The following L3MBTL4 variants were observed in gnomAD, a reference collection of about 807,000 sequenced individuals.
L3MBTL4 encodes L3MBTL histone methyl-lysine binding protein 4.
In L3MBTL4, 70 loss-of-function variants were observed where a neutral mutation model predicts 84.5. The ratio of observed to expected loss-of-function variants is 0.83; its 90% CI spans 0.68 to 1.01. The LOEUF is 1.01. L3MBTL4 is among the 50% of genes least tolerant of loss of function. The pLI is 0.00. For synonymous variants in L3MBTL4, 274 were observed against 259.8 expected, an observed-to-expected ratio of 1.05 and a Z score of -0.52; for missense variants, 715 against 754.8, an observed-to-expected ratio of 0.95 and a Z score of 0.62.
At position 5,958,912 on chromosome 18, in the gene L3MBTL4, C is replaced by T. The variant is rs143194085; in HGVS notation, c.1677+1182G>A. Among the ~76,000 whole-genome samples the T allele has an allele frequency of 1.3e-3, 196 of 152,312 alleles. 2 individuals carry two copies. Among genetic ancestry groups the T allele is most frequent in the Middle Eastern group, 6.8e-3 (2 of 294 alleles). On this transcript the variant is annotated intron_variant, in intron 18 of 18. Transcript: ENST00000317931. The stretch of plus-strand genomic sequence containing the variant: ...GCCACTCCCTCTTACCCTACGTGGA[C>T]AGACTTGAGGACAAAGCAAGCCTTG...
At chr18:6,193,846 A>C (rs529806351) in intron 12 of L3MBTL4, among the ~76,000 whole-genome samples, 17 of 152,198 alleles carry the variant, frequency 1.1e-4, no homozygotes, top group Non-Finnish European at 2.1e-4. Context: ...CCCTTTTACC[A>C]GCACAAATTC....
chr18:6,026,886 A>G lies in L3MBTL4; in HGVS notation c.1444+53995T>C, dbSNP rs185760756. Among the ~76,000 whole-genome samples, 23 of 152,216 alleles carry G rather than the reference A, an allele frequency of 1.5e-4. No homozygotes were observed. In the East Asian group the frequency reaches 2.1e-3, roughly 14 times the overall value. ...TGGTTTCTAAGCTAAGATCAAATCT[A>G]TAATTTATTGCCTTAATTTTCCTCA... On this transcript the variant is annotated intron_variant, in intron 16 of 18. Transcript: ENST00000317931.
chr18:6,121,743 T>C (rs901252602), intron 14 of L3MBTL4, among the ~76,000 whole-genome samples: 2 of 151,752 alleles, frequency 1.3e-5, no homozygotes, highest in Non-Finnish European at 2.9e-5. Flanking sequence ...TGTTTGTATT[T>C]TGGAGTTGGG....
At chr18:6,046,791 T>C in intron 16 of L3MBTL4, 1 of 762,556 alleles carries the variant, frequency 1.3e-6, no homozygotes. Flanking sequence ...AACACTTACC[T>C]CAAAAAGTTA....
At chr18:6,041,121 T>C (rs2056379875) in intron 16 of L3MBTL4, among the ~76,000 whole-genome samples, 1 of 152,210 alleles carries the variant, frequency 6.6e-6, no homozygotes. Flanking sequence ...CCTGAAAAGA[T>C]GGCATAGCTG....
At chr18:6,333,816 A>G (rs1315461815) in intron 1 of L3MBTL4, among the ~76,000 whole-genome samples, 2 of 152,142 alleles carry the variant, frequency 1.3e-5, no homozygotes, top group Non-Finnish European at 2.9e-5. Flanking sequence ...TGTTACAATG[A>G]TCTTCCCCGT....
At chr18:6,240,808 A>C (rs1236955381) in intron 8 of L3MBTL4, among the ~76,000 whole-genome samples, 2 of 152,224 alleles carry the variant, frequency 1.3e-5, no homozygotes, top group African/African-American at 4.8e-5. Context: ...CTGCACAGTG[A>C]CACCGCCTGC....
intron 14 of L3MBTL4, among the ~76,000 whole-genome samples, chr18:6,105,968 G>C (rs16949431): frequency 0.23 from 35,482 of 152,030 alleles, 5,785 homozygotes; most frequent in African/African-American, 0.47. Flanking sequence ...ACAGGTCATA[G>C]TGCCATAGTT....
chr18:6,164,403 C>G (rs1455786571), intron 13 of L3MBTL4, among the ~76,000 whole-genome samples: 1 of 152,194 alleles, frequency 6.6e-6, no homozygotes, highest in African/African-American at 2.4e-5. Flanking sequence ...CCCTGACCCC[C>G]GAGTAGCCTA....
chr18:6,213,220 C>T lies in L3MBTL4; in HGVS notation c.910G>A (p.Val304Ile). Residue 304 changes from valine (V) to isoleucine (I), a missense_variant, in exon 12 of 19, where the codon GTT becomes ATT. Coordinates refer to ENST00000317931, the MANE Select transcript of L3MBTL4 (RefSeq NM_001330559.2). ...AACCTGGGGTTCCGTTTATCCACAA[C>T]TTCAAGTTTCATATTTGGCAGAAAA... ...HGFLPNMKLE[V>I]VDKRNPRLIR... The T allele has an allele frequency of 1.2e-6, 2 of 1,610,922 alleles. No homozygotes were observed. The highest frequency in any genetic ancestry group is 1.7e-4 in the Middle Eastern group (1 of 6,042).
At chr18:5,986,791 TACACTGTG>T (rs2053482212) in intron 16 of L3MBTL4, among the ~76,000 whole-genome samples, 1 of 152,240 alleles carries the variant, frequency 6.6e-6, no homozygotes, top group Admixed American at 6.5e-5. Flanking sequence ...CGAGTCCAAC[TACACTGTG>T]CCTTTGCTGT....
chr18:6,258,371 G>A (rs1322388859), intron 5 of L3MBTL4, among the ~76,000 whole-genome samples: 3 of 152,200 alleles, frequency 2.0e-5, no homozygotes, highest in African/African-American at 7.2e-5. Flanking sequence ...ACCTGGGGTA[G>A]AGAAGGTAGG....
intron 16 of L3MBTL4, among the ~76,000 whole-genome samples, chr18:6,040,805 C>T (rs1039355113): frequency 1.3e-5 from 2 of 152,186 alleles, no homozygotes; most frequent in African/African-American, 4.8e-5. Flanking sequence ...CCACTCGACC[C>T]TTATCCTGCC....
At chr18:6,229,775 T>C (rs956864461) in intron 10 of L3MBTL4, among the ~76,000 whole-genome samples, 1 of 152,142 alleles carries the variant, frequency 6.6e-6, no homozygotes, top group Non-Finnish European at 1.5e-5. Context: ...TTGAAAATCA[T>C]TTCACCATAA....
intron 16 of L3MBTL4, among the ~76,000 whole-genome samples, chr18:6,043,407 A>C (rs2056486407): frequency 6.6e-6 from 1 of 152,158 alleles, no homozygotes; most frequent in Non-Finnish European, 1.5e-5. Flanking sequence ...TCACCTTGAC[A>C]GGCCATGCAT....
chr18:6,235,376 A>G (rs1315639548), intron 10 of L3MBTL4, among the ~76,000 whole-genome samples: 1 of 152,216 alleles, frequency 6.6e-6, no homozygotes, highest in East Asian at 1.9e-4. Flanking sequence ...AAAATTGTAC[A>G]TGAATGCTTA....
chr18:6,215,410 T>C (rs184422623), intron 11 of L3MBTL4, among the ~76,000 whole-genome samples: 48 of 152,316 alleles, frequency 3.2e-4, no homozygotes, highest in Non-Finnish European at 6.8e-4. Flanking sequence ...AAACAGTCCC[T>C]GAGAGAGTGG....
At chr18:6,347,907 C>T (rs2052994249) in intron 1 of L3MBTL4, among the ~76,000 whole-genome samples, 1 of 151,754 alleles carries the variant, frequency 6.6e-6, no homozygotes, top group Non-Finnish European at 1.5e-5. Flanking sequence ...AGGATCTGAA[C>T]ACAAAAAAAT....
At chr18:6,087,774 A>G (rs1487838956) in intron 15 of L3MBTL4, among the ~76,000 whole-genome samples, 2 of 152,216 alleles carry the variant, frequency 1.3e-5, no homozygotes, top group Non-Finnish European at 2.9e-5. Context: ...TTTCATAAAA[A>G]TGGAGAAAAG....
Sources: allele counts gnomAD v4.1 joint callset (sites outside exome capture counted in the v4.1 genomes callset), GRCh38; gene constraint gnomAD v4.1.1; transcripts MANE v1.5; gene names NCBI Gene and HGNC (gene_info 2026-07-23, HGNC 2026-07-21).